Variants in SNTG1 observed in about 807,000 individuals in gnomAD.
SNTG1 encodes syntrophin gamma 1, also known as gamma-1-syntrophin.
In SNTG1, 39 loss-of-function variants were observed where a neutral mutation model predicts 74.7. The observed-to-expected ratio is 0.52, with a 90% CI of 0.40 to 0.68. SNTG1 has a LOEUF of 0.68. SNTG1 is among the 30% of genes least tolerant of loss of function. The pLI is 0.00. For synonymous variants in SNTG1, 254 were observed against 217.1 expected, an observed-to-expected ratio of 1.17 and a Z score of -1.49; for missense variants, 685 against 609.5, an observed-to-expected ratio of 1.12 and a Z score of -1.30.
intron 4 of SNTG1, among the ~76,000 whole-genome samples, chr8:50,419,276 C>A (rs1031518559): frequency 6.6e-6 from 1 of 152,180 alleles, no homozygotes; most frequent in African/African-American, 2.4e-5. Flanking sequence ...ATACCACACA[C>A]ACACACAAAA....
intron 1 of SNTG1, among the ~76,000 whole-genome samples, chr8:50,040,518 G>C (rs1350530426): frequency 1.3e-5 from 2 of 152,140 alleles, no homozygotes; most frequent in African/African-American, 4.8e-5. Context: ...TATTGGAGAA[G>C]AGTGACATGA....
At chr8:49,949,067 T>C (rs1437521003) in intron 1 of SNTG1, among the ~76,000 whole-genome samples, 2 of 152,202 alleles carry the variant, frequency 1.3e-5, no homozygotes, top group African/African-American at 4.8e-5. Context: ...GAAAGTTCTT[T>C]CCTTGTTCTC....
rs372567260 is a variant in SNTG1, at chr8:50,551,934, G to A, written c.681-1116G>A. Among the ~76,000 whole-genome samples, 24 of 152,258 alleles carry A rather than the reference G, an allele frequency of 1.6e-4. No individual in the cohort carries two copies. In the East Asian group the frequency reaches 1.7e-3, roughly 11 times the overall value. On this transcript the variant is annotated intron_variant, in intron 11 of 18. Coordinates refer to ENST00000642720, the MANE Select transcript of SNTG1 (RefSeq NM_018967.5). The stretch of plus-strand genomic sequence containing the variant: ...TTCTGAGACAGGAAGGCAGAGTGGC[G>A]TAGACCTACCAGTAGACCTGAGCCA...
At chr8:50,395,654 C>G (rs1205380992) in intron 3 of SNTG1, among the ~76,000 whole-genome samples, 1 of 151,852 alleles carries the variant, frequency 6.6e-6, no homozygotes, top group Non-Finnish European at 1.5e-5. Context: ...CAGGTGCCTG[C>G]CACCACGCCA....
At chr8:50,198,627 A>C (rs1234042961) in intron 2 of SNTG1, among the ~76,000 whole-genome samples, 1 of 152,188 alleles carries the variant, frequency 6.6e-6, no homozygotes, top group Non-Finnish European at 1.5e-5. Context: ...AGTACAGTAA[A>C]GCATCCATTT....
chr8:50,168,565 G>A (rs2082702647), intron 1 of SNTG1, among the ~76,000 whole-genome samples: 3 of 151,736 alleles, frequency 2.0e-5, no homozygotes, highest in African/African-American at 2.4e-5. Context: ...ATATGCATGT[G>A]TATATATATA....
intron 12 of SNTG1, among the ~76,000 whole-genome samples, chr8:50,558,681 T>C (rs2094470382): frequency 6.6e-6 from 1 of 151,888 alleles, no homozygotes; most frequent in Non-Finnish European, 1.5e-5. Flanking sequence ...ATAGATACTT[T>C]TAATAGAAAA....
intron 1 of SNTG1, among the ~76,000 whole-genome samples, chr8:50,166,727 A>T (rs1354726075): frequency 9.5e-6 from 1 of 104,892 alleles, no homozygotes; most frequent in Non-Finnish European, 1.8e-5. Context: ...TTCCTCAGGG[A>T]TCTAGAACTA....
chr8:50,208,536 A>G (rs2084356376), intron 2 of SNTG1, among the ~76,000 whole-genome samples: 1 of 152,040 alleles, frequency 6.6e-6, no homozygotes, highest in African/African-American at 2.4e-5. Flanking sequence ...TGTGTCTTTT[A>G]ATTGGAGCAA....
At chr8:50,026,700 C>T (rs763089058) in intron 1 of SNTG1, among the ~76,000 whole-genome samples, 3 of 149,966 alleles carry the variant, frequency 2.0e-5, no homozygotes, top group Admixed American at 6.7e-5. Flanking sequence ...TTTGTGTGTA[C>T]GTGTGTGTGT....
At chr8:50,097,766 A>C (rs1444249839) in intron 1 of SNTG1, among the ~76,000 whole-genome samples, 1 of 152,190 alleles carries the variant, frequency 6.6e-6, no homozygotes, top group African/African-American at 2.4e-5. Context: ...GAGTGAAAAA[A>C]CTTAAGAGAA....
At chr8:50,074,409 T>G (rs1269712966) in intron 1 of SNTG1, among the ~76,000 whole-genome samples, 1 of 152,182 alleles carries the variant, frequency 6.6e-6, no homozygotes, top group South Asian at 2.1e-4. Flanking sequence ...ACTAAAACTT[T>G]CTTCATATCA....
At chr8:50,565,130 C>T (rs1313205083) in intron 12 of SNTG1, among the ~76,000 whole-genome samples, 1 of 152,004 alleles carries the variant, frequency 6.6e-6, no homozygotes, top group Non-Finnish European at 1.5e-5. Context: ...AACTGATGAA[C>T]ATTCTACAAA....
At chr8:49,951,623 G>A (rs1203472615) in intron 1 of SNTG1, among the ~76,000 whole-genome samples, 8 of 151,376 alleles carry the variant, frequency 5.3e-5, no homozygotes, top group Admixed American at 2.6e-4. Flanking sequence ...TGGGGGGAGC[G>A]GGGAGGGATA....
chr8:50,718,406 C>T (rs190561279), intron 17 of SNTG1, among the ~76,000 whole-genome samples: 14 of 152,330 alleles, frequency 9.2e-5, no homozygotes, highest in African/African-American at 3.4e-4. Context: ...AATGACTATG[C>T]ATCACTGCCT....
intron 1 of SNTG1, chr8:50,163,862 T>C (rs892646981): frequency 1.3e-5 from 2 of 152,166 alleles, no homozygotes; most frequent in African/African-American, 2.4e-5. Context: ...AAATGGAACA[T>C]GACAAGTTTA....
At chr8:50,516,948 C>T (rs1020425189) in intron 9 of SNTG1, among the ~76,000 whole-genome samples, 4 of 152,084 alleles carry the variant, frequency 2.6e-5, no homozygotes, top group African/African-American at 9.7e-5. Context: ...CAGAGAACAC[C>T]ACAAAGACAG....
chr8:50,244,058 C>A (rs1442170185), intron 2 of SNTG1, among the ~76,000 whole-genome samples: 2 of 152,068 alleles, frequency 1.3e-5, no homozygotes, highest in African/African-American at 4.8e-5. Context: ...ATGTTGCTGG[C>A]ATCTGCTTGG....
chr8:50,122,235 T>C lies in SNTG1; in HGVS notation c.-102-50326T>C, dbSNP rs1459588348. 2.1e-5 allele frequency among the ~76,000 whole-genome samples: 3 copies of C among 142,306 alleles called. 1 individual carries two copies. Among genetic ancestry groups the C allele is most frequent in the Non-Finnish European group, 4.7e-5 (3 of 63,906 alleles). The allele number at this position is 142,306 out of a possible 152,430, so 93.4% of individuals were successfully genotyped here. A position where few individuals can be genotyped will look rare whatever the true frequency, so the allele number is the denominator to read the frequency against. Reference sequence around the variant, plus strand: ...GTAAAAATATTCAAGGCATCCTTGGTAACTTGTGCCTTACCTCGTTTTGCA... The same window carrying C: ...GTAAAAATATTCAAGGCATCCTTGGCAACTTGTGCCTTACCTCGTTTTGCA... On this transcript the variant is annotated intron_variant, in intron 1 of 18. Transcript: ENST00000642720.
Sources: gnomAD v4.1 joint callset for allele counts (sites outside exome capture counted in the v4.1 genomes callset) on GRCh38, gnomAD v4.1.1 for gene constraint, MANE v1.5 for transcripts, NCBI Gene and HGNC (gene_info 2026-07-23, HGNC 2026-07-21) for gene names.